Variants in CALN1 observed in about 807,000 individuals in gnomAD.
CALN1 encodes calneuron 1.
Under a neutral mutation model 30.6 loss-of-function variants are expected in CALN1, and 17 were observed. The observed-to-expected ratio is 0.56, with a 90% CI of 0.38 to 0.83. The LOEUF (loss-of-function observed/expected upper bound fraction) is 0.83, where lower values mean the gene tolerates loss of function less well. CALN1 is among the 40% of genes least tolerant of loss of function. The pLI, the probability that CALN1 is intolerant of heterozygous loss-of-function variation, is 0.00. For synonymous variants in CALN1, 156 were observed against 131.4 expected (o/e 1.19, Z -1.28); for missense variants, 291 against 354.9 (o/e 0.82, Z 1.45).
At chr7:72,106,021 T>A in intron 4 of CALN1, 130 bp downstream of exon 4, 1 of 1,265,902 alleles carries the variant, frequency 7.9e-7, no homozygotes, top group Non-Finnish European at 1.1e-6. Context: ...CCTGTTCTAG[T>A]CCAAGTTTCT....
chr7:72,406,289 AAGAC>A (rs1200800598), intron 1 of CALN1, among the ~76,000 whole-genome samples: 1 of 152,090 alleles, frequency 6.6e-6, no homozygotes, highest in Non-Finnish European at 1.5e-5. Flanking sequence ...ATCTGCACAT[AAGAC>A]AGACCTCCAT....
intron 3 of CALN1, among the ~76,000 whole-genome samples, chr7:72,237,358 C>T (rs773950086): frequency 1.3e-4 from 20 of 152,152 alleles, no homozygotes; most frequent in Non-Finnish European, 2.4e-4. Context: ...ACATCACAAA[C>T]ATCTGCTGCT....
chr7:72,034,853 T>C (rs188162582), intron 4 of CALN1, among the ~76,000 whole-genome samples: 10 of 149,418 alleles, frequency 6.7e-5, no homozygotes, highest in African/African-American at 2.2e-4. Flanking sequence ...CCCTAAGATC[T>C]TCAAGATAGC....
chr7:72,192,500 A>G (rs1790679958), intron 3 of CALN1, among the ~76,000 whole-genome samples: 1 of 152,142 alleles, frequency 6.6e-6, no homozygotes, highest in Non-Finnish European at 1.5e-5. Flanking sequence ...TTTATGCAGG[A>G]AAGTTATCAC....
chr7:72,237,857 G>GC (rs1293938568), intron 3 of CALN1, among the ~76,000 whole-genome samples: 1 of 152,186 alleles, frequency 6.6e-6, no homozygotes, highest in East Asian at 1.9e-4. Context: ...AACAAGGAGT[G>GC]CCCCAGAAAT....
intron 5 of CALN1, among the ~76,000 whole-genome samples, chr7:71,830,837 T>C (rs1219521704): frequency 6.6e-6 from 1 of 152,196 alleles, no homozygotes; most frequent in African/African-American, 2.4e-5. Flanking sequence ...GAACTCTTTT[T>C]ATTCCCAAAT....
intron 3 of CALN1, among the ~76,000 whole-genome samples, chr7:72,256,856 C>T (rs960598471): frequency 1.3e-5 from 2 of 152,158 alleles, no homozygotes; most frequent in African/African-American, 4.8e-5. Flanking sequence ...TTCCCTCTGA[C>T]ATGCCAAGCA....
intron 5 of CALN1, among the ~76,000 whole-genome samples, chr7:71,878,251 T>C (rs1278362633): frequency 6.6e-6 from 1 of 152,054 alleles, no homozygotes; most frequent in Non-Finnish European, 1.5e-5. Flanking sequence ...GTTTGTATAA[T>C]GTGGGCCAGG....
chr7:71,859,928 A>G (rs1791173735), intron 5 of CALN1, among the ~76,000 whole-genome samples: 1 of 152,180 alleles, frequency 6.6e-6, no homozygotes, highest in African/African-American at 2.4e-5. Flanking sequence ...GATAACATTT[A>G]CTAAACAGAC....
intron 4 of CALN1, among the ~76,000 whole-genome samples, chr7:72,079,750 T>G (rs1166968285): frequency 6.9e-6 from 1 of 144,140 alleles, no homozygotes. Context: ...GCCCAAGAGG[T>G]TGCCTTTTTC....
intron 2 of CALN1, among the ~76,000 whole-genome samples, chr7:72,282,498 T>G (rs1008450102): frequency 2.6e-5 from 4 of 152,168 alleles, no homozygotes; most frequent in African/African-American, 9.7e-5. Flanking sequence ...CCTCCCTCAC[T>G]GATGGGATTA....
chr7:72,179,993 A>T (rs577761335), intron 3 of CALN1, among the ~76,000 whole-genome samples: 118 of 152,306 alleles, frequency 7.7e-4, no homozygotes, highest in Non-Finnish European at 1.6e-3. Flanking sequence ...ATTTTACATG[A>T]TCCGTCCGCA....
chr7:71,971,953 A>AAAAAAAAAAAAAAAAGAAAGAAAG (rs1797839188), intron 5 of CALN1, among the ~76,000 whole-genome samples: 3 of 72,838 alleles, frequency 4.1e-5, no homozygotes, highest in African/African-American at 7.0e-5. Context: ...AAAAAAAAAA[A>AAAAAAAAAAAAAAAAGAAAGAAAG]AAAGAAAGAA....
intron 5 of CALN1, among the ~76,000 whole-genome samples, chr7:72,003,189 A>G (rs1270642324): frequency 6.6e-6 from 1 of 152,242 alleles, no homozygotes; most frequent in Admixed American, 6.5e-5. Flanking sequence ...CTATTAATTA[A>G]CACAAAAAAT....
chr7:72,361,317 T>C (rs188550364), intron 2 of CALN1, among the ~76,000 whole-genome samples: 18 of 152,082 alleles, frequency 1.2e-4, no homozygotes, highest in Non-Finnish European at 1.6e-4. Flanking sequence ...TACTATGAAA[T>C]CCATTAATAA....
intron 1 of CALN1, among the ~76,000 whole-genome samples, chr7:72,439,301 G>T (rs1808272708): frequency 6.6e-6 from 1 of 152,116 alleles, no homozygotes; most frequent in Non-Finnish European, 1.5e-5. Context: ...CAAAGTCTTG[G>T]GATTACAGGC....
At chr7:72,368,612 A>T (rs1394738735) in intron 2 of CALN1, among the ~76,000 whole-genome samples, 3 of 152,134 alleles carry the variant, frequency 2.0e-5, no homozygotes, top group Admixed American at 6.6e-5. Context: ...AGTAACAAAG[A>T]TATGAGCTAC....
chr7:72,272,616 T>C (rs995043681), intron 3 of CALN1, among the ~76,000 whole-genome samples: 1 of 152,088 alleles, frequency 6.6e-6, no homozygotes, highest in South Asian at 2.1e-4. Flanking sequence ...CATGCACACA[T>C]GTGAGAGGCT....
chr7:72,341,471 C>T (rs1400367382), intron 2 of CALN1, among the ~76,000 whole-genome samples: 1 of 152,202 alleles, frequency 6.6e-6, no homozygotes, highest in East Asian at 1.9e-4. Context: ...TGCAGTGAGC[C>T]GAGATTGTGC....
Sources: gnomAD v4.1 joint callset for allele counts (sites outside exome capture counted in the v4.1 genomes callset) on GRCh38, gnomAD v4.1.1 for gene constraint, MANE v1.5 for transcripts, NCBI Gene and HGNC (gene_info 2026-07-23, HGNC 2026-07-21) for gene names.